NGEF: variants seen among roughly 807,000 people sequenced by gnomAD.
The protein encoded by NGEF is neuronal guanine nucleotide exchange factor.
In NGEF, 31 loss-of-function variants were observed where a neutral mutation model predicts 80.9. The ratio of observed to expected loss-of-function variants is 0.38; its 90% CI spans 0.29 to 0.52. NGEF has a LOEUF of 0.52. Ranked by LOEUF, NGEF falls within the 20% of genes least tolerant of loss-of-function variation. The probability of loss-of-function intolerance (pLI) is 0.84; values close to 1 mark genes in which losing one functional copy is unlikely to be tolerated. For synonymous variants in NGEF, 371 were observed against 370.2 expected (o/e 1.00, Z -0.03); for missense variants, 709 against 926.2 (o/e 0.77, Z 3.04).
intron 9 of NGEF, among the ~76,000 whole-genome samples, chr2:232,886,785 C>T (rs1025010064): frequency 3.9e-5 from 6 of 152,250 alleles, no homozygotes; most frequent in East Asian, 1.9e-4. Flanking sequence ...ATGGTGGCCC[C>T]GTGTGGCTGC....
chr2:232,939,175 C>CA (rs60357492), intron 3 of NGEF, among the ~76,000 whole-genome samples: 1,519 of 64,008 alleles, frequency 0.024, 3 homozygotes, highest in African/African-American at 0.033. Flanking sequence ...GACTCAGTCT[C>CA]AAAAAAAAAA....
At chr2:232,953,301 CA>C (rs57652494) in intron 3 of NGEF, among the ~76,000 whole-genome samples, 19,237 of 90,702 alleles carry the variant, frequency 0.21, 768 homozygotes, top group East Asian at 0.34. Flanking sequence ...GACTCTGTGT[CA>C]AAAAAAAAAA....
At chr2:232,896,118 C>G (rs1339267606) in intron 5 of NGEF, among the ~76,000 whole-genome samples, 1 of 152,162 alleles carries the variant, frequency 6.6e-6, no homozygotes, top group Admixed American at 6.5e-5. Context: ...TGAACTGTGG[C>G]CCCCACAGAA....
At chr2:232,993,512 GT>G (rs1448500863) in intron 1 of NGEF, among the ~76,000 whole-genome samples, 1 of 151,948 alleles carries the variant, frequency 6.6e-6, no homozygotes, top group Non-Finnish European at 1.5e-5. Flanking sequence ...TTGTCTGATA[GT>G]TTCTCAAAAG....
chr2:232,934,395 C>CT (rs11335315), intron 3 of NGEF, among the ~76,000 whole-genome samples: 5,346 of 150,390 alleles, frequency 0.036, 259 homozygotes, highest in East Asian at 0.25. Flanking sequence ...GAGGAAGATT[C>CT]TTTTTTTTTT....
rs1694478318 is a variant in NGEF, at chr2:232,983,451, A to G, written c.-74-8487T>C. ...GAATGGAGACCCTCCTGAGGATGGAAATACCTGAAGCAGGTCGGGGTGGGG... is the reference window on the plus strand; with the variant it reads ...GAATGGAGACCCTCCTGAGGATGGAGATACCTGAAGCAGGTCGGGGTGGGG... On this transcript the variant is annotated intron_variant, in intron 1 of 14. Coordinates refer to ENST00000264051, the MANE Select transcript of NGEF (RefSeq NM_019850.3). Among the ~76,000 whole-genome samples the G allele has an allele frequency of 2.0e-5, 3 of 152,058 alleles. No homozygotes were observed. The South Asian group carries it at 6.2e-4, about 32-fold the overall frequency.
At position 232,901,292 on chromosome 2, in the gene NGEF, C is replaced by T. The variant is rs12996733; in HGVS notation, c.829-6376G>A. ...GGAGTCCCACTCCTGCCTCCGCACT[C>T]GGATCAACCCTGCGTTCCCCACCCT... On this transcript the variant is annotated intron_variant, in intron 5 of 14. Coordinates refer to ENST00000264051, the MANE Select transcript of NGEF (RefSeq NM_019850.3). 504 of 890,904 alleles carry T rather than the reference C, an allele frequency of 5.7e-4. 1 individual carries two copies. In the African/African-American group the frequency reaches 6.9e-3, roughly 12 times the overall value. The allele number at this position is 890,904 out of a possible 1,614,324, so 55.2% of individuals were successfully genotyped here. A position where few individuals can be genotyped will look rare whatever the true frequency, so the allele number is the denominator to read the frequency against.
intron 5 of NGEF, among the ~76,000 whole-genome samples, chr2:232,911,182 G>A (rs1303996044): frequency 1.3e-5 from 2 of 152,172 alleles, no homozygotes; most frequent in African/African-American, 4.8e-5. Context: ...TATGAGGCAT[G>A]AGGTTTAGGT....
chr2:232,893,281 G>C (rs1691941816), intron 6 of NGEF, among the ~76,000 whole-genome samples: 1 of 152,222 alleles, frequency 6.6e-6, no homozygotes, highest in South Asian at 2.1e-4. Context: ...AGCACCAAGA[G>C]ACCTTATCTT....
chr2:232,972,419 G>A lies in NGEF; in HGVS notation c.269-2091C>T, dbSNP rs555985840. On this transcript the variant is annotated intron_variant, in intron 2 of 14. Transcript: ENST00000264051. ...ACCCATTTATTTGTACTTTTTAAAT[G>A]TGGCCACTGGAAAATTTAAAATGAT... Among the ~76,000 whole-genome samples, 3 of 152,192 alleles carry A rather than the reference G, an allele frequency of 2.0e-5. No individual in the cohort carries two copies. In the South Asian group the frequency reaches 6.2e-4, roughly 32 times the overall value.
At chr2:232,983,990 G>A (rs1287662973) in intron 1 of NGEF, among the ~76,000 whole-genome samples, 1 of 152,210 alleles carries the variant, frequency 6.6e-6, no homozygotes, top group Non-Finnish European at 1.5e-5. Flanking sequence ...TGCAAAAGTG[G>A]GAAGTGGATT....
At chr2:232,979,816 T>C (rs922261928) in intron 1 of NGEF, among the ~76,000 whole-genome samples, 2 of 152,152 alleles carry the variant, frequency 1.3e-5, no homozygotes, top group African/African-American at 4.8e-5. Flanking sequence ...GTCTCTGTTG[T>C]TCCTGATGCC....
rs148607256 is a variant in NGEF, at chr2:232,996,797, G to C, written c.-75+16271C>G. 2.5e-3 allele frequency among the ~76,000 whole-genome samples: 386 copies of C among 151,562 alleles called. 3 individuals are homozygous for C. The highest frequency in any genetic ancestry group is 8.2e-3 in the African/African-American group (336 of 40,894). ...GGTGTGAGCCACAGCGCCTGGCATC[G>C]TTTACCCTTTCTTATGGTTAAAAGA... On this transcript the variant is annotated intron_variant, in intron 1 of 14. Coordinates refer to ENST00000264051, the MANE Select transcript of NGEF (RefSeq NM_019850.3).
intron 1 of NGEF, among the ~76,000 whole-genome samples, chr2:232,987,173 C>T (rs372900488): frequency 1.3e-5 from 2 of 152,010 alleles, no homozygotes; most frequent in African/African-American, 4.8e-5. Flanking sequence ...CGTGCCGCCA[C>T]GCCTGGCTAA....
chr2:232,975,015 C>T (rs1482161503), intron 1 of NGEF, 51 bp from the exon 2 acceptor site: 1 of 913,038 alleles, frequency 1.1e-6, no homozygotes, highest in East Asian at 2.5e-5. Context: ...GCTAAGTATT[C>T]TATTCAGACT....
At chr2:232,889,003 C>T (rs1691794199) in intron 8 of NGEF, among the ~76,000 whole-genome samples, 1 of 152,192 alleles carries the variant, frequency 6.6e-6, no homozygotes, top group African/African-American at 2.4e-5. Context: ...CACCAACCAC[C>T]TGTCCTCCCG....
At chr2:232,908,081 G>C (rs1264580717) in intron 5 of NGEF, among the ~76,000 whole-genome samples, 2 of 152,132 alleles carry the variant, frequency 1.3e-5, no homozygotes, top group Admixed American at 1.3e-4. Flanking sequence ...CTGCACTCCA[G>C]CCTGGGAGAC....
At chr2:232,982,361 G>C (rs575194773) in intron 1 of NGEF, among the ~76,000 whole-genome samples, 1 of 152,108 alleles carries the variant, frequency 6.6e-6, no homozygotes, top group Non-Finnish European at 1.5e-5. Context: ...CCATCAAGGG[G>C]GCAGGAAGAT....
At chr2:232,933,275 C>T (rs1283373510) in intron 3 of NGEF, among the ~76,000 whole-genome samples, 1 of 152,026 alleles carries the variant, frequency 6.6e-6, no homozygotes, top group Non-Finnish European at 1.5e-5. Flanking sequence ...TCCACAGCAG[C>T]CCCTAAACAA....
Sources: allele counts gnomAD v4.1 joint callset (sites outside exome capture counted in the v4.1 genomes callset), GRCh38; gene constraint gnomAD v4.1.1; transcripts MANE v1.5; gene names NCBI Gene and HGNC (gene_info 2026-07-23, HGNC 2026-07-21).